PREX1: variants seen among roughly 807,000 people sequenced by gnomAD.
PREX1 encodes the protein phosphatidylinositol-3,4,5-trisphosphate dependent Rac exchange factor 1.
Under a neutral mutation model 198.3 loss-of-function variants are expected in PREX1, and 41 were observed. The observed-to-expected ratio is 0.21, with a 90% CI of 0.16 to 0.27. The LOEUF is 0.27. Ranked by LOEUF, PREX1 falls within the 10% of genes least tolerant of loss-of-function variation. PREX1 has a pLI of 1.00. For missense variants in PREX1, 1,620 were observed against 2,200.7 expected (o/e 0.74, Z 5.28); for synonymous variants, 843 against 887.2 (o/e 0.95, Z 0.89).
At chr20:48,788,482 T>G (rs2090323119) in intron 1 of PREX1, among the ~76,000 whole-genome samples, 1 of 152,168 alleles carries the variant, frequency 6.6e-6, no homozygotes, top group Non-Finnish European at 1.5e-5. Context: ...AGTACCCTGA[T>G]GCTGCTTGAA....
At chr20:48,772,209 A>C (rs1276383703) in intron 1 of PREX1, among the ~76,000 whole-genome samples, 2 of 139,368 alleles carry the variant, frequency 1.4e-5, no homozygotes, top group Non-Finnish European at 3.2e-5. Flanking sequence ...TAAATAAATA[A>C]ATAAAATAAC....
At chr20:48,883,090 G>A in the PREX1 span, among the ~76,000 whole-genome samples, 3 of 151,860 alleles carry the variant, frequency 2.0e-5, no homozygotes, top group South Asian at 2.1e-4. Flanking sequence ...ATGCCACCAC[G>A]CCCAGCTACT....
In PREX1 at chr20:48,698,430, G is replaced by A. The variant is rs78526983; in HGVS notation, c.917+2323C>T. Among the ~76,000 whole-genome samples, 345 of 152,270 alleles carry A rather than the reference G, an allele frequency of 2.3e-3. 4 individuals are homozygous for A. The East Asian group carries it at 0.044, about 19-fold the overall frequency. On this transcript the variant is annotated intron_variant, in intron 7 of 39. Transcript: ENST00000371941. ...TGCTCCAGACTGCTTGGGGCAGAGC[G>A]GCGGGGCAGGGCTCAGGGTGGACAT...
chr20:48,855,830 G>A, the PREX1 span, among the ~76,000 whole-genome samples: 836 of 152,300 alleles, frequency 5.5e-3, 3 homozygotes, highest in African/African-American at 0.019. Flanking sequence ...CCCAGGAGGC[G>A]GAGATTGTTG....
the PREX1 span, among the ~76,000 whole-genome samples, chr20:48,855,274 A>G: frequency 0.012 from 1,825 of 152,294 alleles, 16 homozygotes; most frequent in Non-Finnish European, 0.019. Flanking sequence ...AGATAGGGCT[A>G]GAAAAGAAAG....
chr20:48,732,306 G>A (rs2090037852), intron 4 of PREX1, among the ~76,000 whole-genome samples: 1 of 151,908 alleles, frequency 6.6e-6, no homozygotes, highest in Non-Finnish European at 1.5e-5. Context: ...CACTTGTGAA[G>A]GAAACACACA....
intron 29 of PREX1, among the ~76,000 whole-genome samples, chr20:48,640,401 G>A (rs2089400329): frequency 6.6e-6 from 1 of 152,202 alleles, no homozygotes; most frequent in Non-Finnish European, 1.5e-5. Context: ...ACCATTCAGA[G>A]GCCAGGAAGA....
chr20:48,624,688 G>C lies in PREX1; in HGVS notation c.*1197C>G, dbSNP rs1271969126. ...GGCTTGTGTGGGTCCCTCCTCCCCAGCAGGCAGGGTGGCTTCCTGTGCTCT... is the reference window on the plus strand; with the variant it reads ...GGCTTGTGTGGGTCCCTCCTCCCCACCAGGCAGGGTGGCTTCCTGTGCTCT... On this transcript the variant is annotated 3_prime_UTR_variant, in exon 40 of 40. Coordinates refer to ENST00000371941, the MANE Select transcript of PREX1 (RefSeq NM_020820.4). 1 of 152,302 alleles carries C rather than the reference G, an allele frequency of 6.6e-6. No individual in the cohort carries two copies. The highest frequency in any genetic ancestry group is 1.5e-5 in the Non-Finnish European group (1 of 68,084). The allele number at this position is 152,302 out of a possible 1,614,324, so 9.4% of individuals were successfully genotyped here.
intron 14 of PREX1, among the ~76,000 whole-genome samples, chr20:48,673,676 G>C (rs1358717495): frequency 6.7e-6 from 1 of 148,168 alleles, no homozygotes; most frequent in Non-Finnish European, 1.5e-5. Flanking sequence ...GCGGGACTCT[G>C]TGCAGATTGC....
upstream of PREX1, among the ~76,000 whole-genome samples, chr20:48,829,127 T>C (rs2090528360): frequency 6.6e-6 from 1 of 152,214 alleles, no homozygotes; most frequent in Non-Finnish European, 1.5e-5. Flanking sequence ...TCTGTAAATG[T>C]TTGTTCTTAC....
chr20:48,750,196 T>C (rs1299568826), intron 1 of PREX1, among the ~76,000 whole-genome samples: 1 of 152,094 alleles, frequency 6.6e-6, no homozygotes, highest in Non-Finnish European at 1.5e-5. Flanking sequence ...ACCTGAATAC[T>C]ACAACCACTG....
intron 1 of PREX1, among the ~76,000 whole-genome samples, chr20:48,824,748 A>G (rs1405487708): frequency 7.2e-5 from 11 of 152,098 alleles, no homozygotes; most frequent in Admixed American, 7.2e-4. Context: ...CTGGCTCCAG[A>G]GCCTTGCACT....
At chr20:48,707,154 A>G (rs1344661793) in intron 6 of PREX1, among the ~76,000 whole-genome samples, 1 of 152,188 alleles carries the variant, frequency 6.6e-6, no homozygotes, top group Admixed American at 6.5e-5. Flanking sequence ...AGCCAAACAC[A>G]ACCATGGCTG....
chr20:48,709,266 A>C (rs1337790888), intron 5 of PREX1, among the ~76,000 whole-genome samples: 1 of 152,194 alleles, frequency 6.6e-6, no homozygotes, highest in Non-Finnish European at 1.5e-5. Context: ...ATTTTCTTTA[A>C]TCATCTGACC....
At chr20:48,692,592 A>T in intron 8 of PREX1, 80 bp downstream of exon 8, 1 of 1,186,772 alleles carries the variant, frequency 8.4e-7, no homozygotes, top group Non-Finnish European at 1.2e-6. Context: ...AGAAAAAAAT[A>T]TATTTAAATG....
At chr20:48,745,188 A>G (rs8123336) in intron 2 of PREX1, 41 bp from the exon 3 acceptor site, 148,748 of 1,577,686 alleles carry the variant, frequency 0.094, 7,807 homozygotes, top group South Asian at 0.18. Flanking sequence ...GTTAAGGCTC[A>G]GAGGGAGAGC....
intron 7 of PREX1, among the ~76,000 whole-genome samples, chr20:48,693,977 T>A (rs2089832984): frequency 2.0e-5 from 3 of 151,542 alleles, no homozygotes; most frequent in Admixed American, 2.0e-4. Context: ...AGTGGCACAA[T>A]CTCATCCCAC....
intron 10 of PREX1, among the ~76,000 whole-genome samples, chr20:48,687,650 C>T (rs1012592436): frequency 1.3e-5 from 2 of 152,236 alleles, no homozygotes; most frequent in Admixed American, 1.3e-4. Context: ...CCTCTCTCCC[C>T]AGCTGCACCA....
intron 1 of PREX1, among the ~76,000 whole-genome samples, chr20:48,811,186 T>TA (rs139463330): frequency 0.12 from 18,691 of 151,938 alleles, 1,248 homozygotes; most frequent in Middle Eastern, 0.24. Flanking sequence ...CAATTTTTTT[T>TA]TTATTATTAT....
Sources: gnomAD v4.1 joint callset for allele counts (sites outside exome capture counted in the v4.1 genomes callset) on GRCh38, gnomAD v4.1.1 for gene constraint, MANE v1.5 for transcripts, NCBI Gene and HGNC (gene_info 2026-07-23, HGNC 2026-07-21) for gene names.